The following SND1 variants were observed in gnomAD, a reference collection of about 807,000 sequenced individuals.
The protein encoded by SND1 is staphylococcal nuclease domain-containing protein 1.
Under a neutral mutation model 121.7 loss-of-function variants are expected in SND1, and 38 were observed. The ratio of observed to expected loss-of-function variants is 0.31; its 90% CI spans 0.24 to 0.41. The LOEUF is 0.41. Ranked by LOEUF, SND1 falls within the 10% of genes least tolerant of loss-of-function variation. The pLI is 1.00. For synonymous variants in SND1, 401 were observed against 447.4 expected, an observed-to-expected ratio of 0.90 and a Z score of 1.31; for missense variants, 868 against 1,184.6, an observed-to-expected ratio of 0.73 and a Z score of 3.92.
chr7:127,787,936 T>A (rs1374953998), intron 10 of SND1, among the ~76,000 whole-genome samples: 1 of 152,240 alleles, frequency 6.6e-6, no homozygotes, highest in East Asian at 1.9e-4. Context: ...TTCCTTTCTA[T>A]GACCTGATTT....
intron 10 of SND1, among the ~76,000 whole-genome samples, chr7:127,779,913 G>A (rs1347727586): frequency 6.6e-6 from 1 of 152,214 alleles, no homozygotes; most frequent in East Asian, 1.9e-4. Flanking sequence ...TGTGTCAGAA[G>A]TAATCTCTTA....
At chr7:127,729,717 G>A (rs763414402) in intron 10 of SND1, among the ~76,000 whole-genome samples, 1 of 152,112 alleles carries the variant, frequency 6.6e-6, no homozygotes, top group African/African-American at 2.4e-5. Flanking sequence ...TGTGTGTGTT[G>A]TGGTCGGTCA....
At chr7:127,904,685 C>G (rs985002141) in intron 13 of SND1, 62 bp from the exon 14 acceptor site, 3 of 1,142,210 alleles carry the variant, frequency 2.6e-6, no homozygotes, top group Non-Finnish European at 4.0e-6. Context: ...CATTTTTGCA[C>G]CCTCCTACCC....
Position 127,676,827 on chromosome 7 carries a change from C to T in SND1, c.79-9786C>T, listed in dbSNP as rs190824103. 3.5e-3 allele frequency among the ~76,000 whole-genome samples: 537 copies of T among 152,272 alleles called. 2 individuals are homozygous for T. The highest frequency in any genetic ancestry group is 0.01 in the African/African-American group (435 of 41,570). ...CCTGATCTCGGCTCACTGCAACCTC[C>T]GCCTCCTGGGTTCAAGCGATTCTCC... On this transcript the variant is annotated intron_variant, in intron 1 of 23. Transcript: ENST00000354725.
chr7:127,872,375 T>G (rs1199151075), intron 12 of SND1, among the ~76,000 whole-genome samples: 2 of 152,088 alleles, frequency 1.3e-5, no homozygotes, highest in Non-Finnish European at 2.9e-5. Flanking sequence ...CTGGAGGAAG[T>G]GCATAAGATG....
intron 17 of SND1, 41 bp from the exon 18 acceptor site, chr7:128,081,319 C>T (rs773629386): frequency 1.2e-6 from 2 of 1,611,536 alleles, no homozygotes; most frequent in Non-Finnish European, 1.7e-6. Context: ...TATGACTTCA[C>T]TTCCTCGCCC....
rs749018871 is a variant in SND1 at position 128,052,820 on chromosome 7, C to G, written c.1780-21682C>G. Among the ~76,000 whole-genome samples the G allele has an allele frequency of 1.3e-5, 2 of 152,192 alleles. No individual in the cohort carries two copies. The highest frequency in any genetic ancestry group is 6.5e-5 in the Admixed American group (1 of 15,282). ...ATTTCAGTGTTACTTCGATGGGTCC[C>G]TTGGGGCAGAAAAATTATAGTTAAG... On this transcript the variant is annotated intron_variant, in intron 16 of 23. Transcript: ENST00000354725. The surrounding 1 kb of genome is among the most constrained non-coding windows in gnomAD (Gnocchi z 4.6).
At chr7:127,791,125 A>G (rs181953273) in intron 10 of SND1, among the ~76,000 whole-genome samples, 1 of 151,170 alleles carries the variant, frequency 6.6e-6, no homozygotes, top group East Asian at 1.9e-4. Flanking sequence ...ATTGAATGAA[A>G]TGAGCTTTAC....
chr7:127,713,233 A>G (rs929803842), intron 9 of SND1, among the ~76,000 whole-genome samples: 1 of 152,260 alleles, frequency 6.6e-6, no homozygotes, highest in African/African-American at 2.4e-5. Flanking sequence ...AAACTTTATA[A>G]CAATATGAAG....
At chr7:127,720,426 T>C (rs1796472150) in intron 9 of SND1, among the ~76,000 whole-genome samples, 1 of 152,216 alleles carries the variant, frequency 6.6e-6, no homozygotes, top group Non-Finnish European at 1.5e-5. Context: ...GCATTGAATA[T>C]AATTGGGCAA....
intron 12 of SND1, among the ~76,000 whole-genome samples, chr7:127,870,404 G>T (rs1451199733): frequency 6.6e-6 from 1 of 152,066 alleles, no homozygotes; most frequent in African/African-American, 2.4e-5. Context: ...CTTAACAATT[G>T]GGATACCTTC....
Position 127,703,179 on chromosome 7 carries a change from A to C in SND1, c.696A>C (p.Arg232=). The C allele has an allele frequency of 6.2e-7, 1 of 1,614,060 alleles. No homozygotes were observed. The highest frequency in any genetic ancestry group is 1.1e-5 in the South Asian group (1 of 91,072). ...MLSGIKCPTF[R]READGSETPE... Reference sequence around the variant, plus strand: ...CTTTGCTTTAGTGCCCAACTTTTCGACGGGAAGCAGATGGCAGTGAAACTC... The same window carrying C: ...CTTTGCTTTAGTGCCCAACTTTTCGCCGGGAAGCAGATGGCAGTGAAACTC... The change falls in exon 7 of 24, where the codon CGA becomes CGC. Residue 232 remains arginine, a synonymous_variant. Transcript: ENST00000354725.
In SND1 at chr7:127,809,313, G is replaced by A. The variant is rs185917354; in HGVS notation, c.1242+1740G>A. On this transcript the variant is annotated intron_variant, in intron 11 of 23. Transcript: ENST00000354725. ...GAGCTCAAGTTTTGTTCCCCAGAGTGACATTGTATAAATGATGAATATTGT... is the reference window on the plus strand; with the variant it reads ...GAGCTCAAGTTTTGTTCCCCAGAGTAACATTGTATAAATGATGAATATTGT... Among the ~76,000 whole-genome samples, 39 of 152,308 alleles carry A rather than the reference G, an allele frequency of 2.6e-4. 1 individual carries two copies. The East Asian group carries it at 6.2e-3, about 24-fold the overall frequency.
At chr7:127,838,362 A>AATGAGTTAAGT (rs1798904923) in intron 11 of SND1, among the ~76,000 whole-genome samples, 2 of 152,220 alleles carry the variant, frequency 1.3e-5, no homozygotes, top group African/African-American at 4.8e-5. Context: ...CGTACTTAAC[A>AATGAGTTAAGT]ATTTACAGGC....
chr7:127,809,820 G>T (rs1310899866), intron 11 of SND1, among the ~76,000 whole-genome samples: 1 of 152,182 alleles, frequency 6.6e-6, no homozygotes, highest in African/African-American at 2.4e-5. Context: ...TGTTTTGTTG[G>T]CTTTGATGAC....
chr7:128,050,086 C>T (rs1165935114), intron 16 of SND1, among the ~76,000 whole-genome samples: 4 of 152,218 alleles, frequency 2.6e-5, no homozygotes, highest in Non-Finnish European at 5.9e-5. Flanking sequence ...CTGAACCAGA[C>T]ATGCAAGCAC....
At chr7:127,686,256 G>T (rs1795810915) in intron 1 of SND1, among the ~76,000 whole-genome samples, 1 of 152,184 alleles carries the variant, frequency 6.6e-6, no homozygotes, top group South Asian at 2.1e-4. Context: ...TGTTGATGGA[G>T]ATATTAATTC....
At chr7:127,710,181 G>A (rs963509353) in intron 9 of SND1, among the ~76,000 whole-genome samples, 4 of 152,084 alleles carry the variant, frequency 2.6e-5, no homozygotes, top group Admixed American at 6.5e-5. Context: ...TGTCAGTATC[G>A]TAAATAAATT....
At position 128,089,569 on chromosome 7, in the gene SND1, G is replaced by C; in HGVS notation, c.2499G>C (p.Leu833=). ...NTQCLLNVEH[L]SAGCPHVTLQ... is the part of the protein sequence containing the mutation. ...AGTGCCTGCTCAACGTGGAACACCT[G>C]AGTGCCGGCTGCCCCCATGTCACCC... is the stretch of plus-strand genomic sequence containing the variant. The change falls in exon 22 of 24, where the codon CTG becomes CTC. Residue 833 remains leucine, a synonymous_variant. Transcript: ENST00000354725. 6.2e-7 allele frequency: 1 copy of C among 1,614,242 alleles called. No homozygotes were observed. The highest frequency in any genetic ancestry group is 8.5e-7 in the Non-Finnish European group (1 of 1,180,032).
Sources: gnomAD v4.1 joint callset for allele counts (sites outside exome capture counted in the v4.1 genomes callset) on GRCh38, gnomAD v4.1.1 for gene constraint, Gnocchi (gnomAD v3.1) non-coding constraint, MANE v1.5 for transcripts, NCBI Gene and HGNC (gene_info 2026-07-23, HGNC 2026-07-21) for gene names.